The following TOX variants were observed in gnomAD, a reference collection of about 807,000 sequenced individuals.
TOX encodes thymocyte selection-associated high mobility group box protein TOX.
A neutral mutation model predicts 53.7 loss-of-function variants in TOX; 11 were observed. The ratio of observed to expected loss-of-function variants is 0.20; its 90% confidence interval spans 0.13 to 0.34. TOX has a LOEUF of 0.34. Among genes scored for constraint, TOX ranks in the 10% least tolerant of loss-of-function variants. The probability of loss-of-function intolerance (pLI) is 1.00; values close to 1 mark genes in which losing one functional copy is unlikely to be tolerated. For missense variants in TOX, 570 were observed against 664.6 expected, an observed-to-expected ratio of 0.86 and a Z score of 1.56; for synonymous variants, 225 against 245.3, an observed-to-expected ratio of 0.92 and a Z score of 0.77.
chr8:58,978,167 C>A (rs1314897435), intron 1 of TOX, among the ~76,000 whole-genome samples: 1 of 152,078 alleles, frequency 6.6e-6, no homozygotes, highest in South Asian at 2.1e-4. Flanking sequence ...GGAGGAGTCT[C>A]AGGAAAGAGT....
At chr8:59,059,244 C>T (rs975652779) in intron 1 of TOX, among the ~76,000 whole-genome samples, 1 of 152,126 alleles carries the variant, frequency 6.6e-6, no homozygotes, top group East Asian at 1.9e-4. Flanking sequence ...ATTCCCCTTC[C>T]TTCACATCAC....
At chr8:59,021,226 T>C (rs576938166) in intron 1 of TOX, among the ~76,000 whole-genome samples, 109 of 150,696 alleles carry the variant, frequency 7.2e-4, no homozygotes, top group Non-Finnish European at 1.4e-3. Flanking sequence ...CCAGCCTTTT[T>C]TTTTCTATTA....
At chr8:58,974,287 A>C (rs1409764094) in intron 1 of TOX, among the ~76,000 whole-genome samples, 1 of 152,158 alleles carries the variant, frequency 6.6e-6, no homozygotes, top group African/African-American at 2.4e-5. Context: ...ATCCAGACTC[A>C]TGTCAACAGT....
chr8:58,836,563 C>A (rs34855090), intron 5 of TOX, among the ~76,000 whole-genome samples: 10,647 of 152,132 alleles, frequency 0.07, 536 homozygotes, highest in Middle Eastern at 0.14. Context: ...CCTAGGACAG[C>A]ACTCCTTCAG....
intron 3 of TOX, among the ~76,000 whole-genome samples, chr8:58,869,626 C>G (rs1424560516): frequency 6.6e-6 from 1 of 151,970 alleles, no homozygotes; most frequent in Non-Finnish European, 1.5e-5. Context: ...AAATGCAAAA[C>G]TCCTCAACAA....
intron 4 of TOX, among the ~76,000 whole-genome samples, chr8:58,844,416 G>T (rs1471023562): frequency 2.6e-5 from 4 of 152,136 alleles, no homozygotes; most frequent in Non-Finnish European, 5.9e-5. Flanking sequence ...AGTTACCAGG[G>T]TGCTAAGACT....
intron 1 of TOX, among the ~76,000 whole-genome samples, chr8:59,027,296 GA>G (rs1814262369): frequency 6.6e-6 from 1 of 152,116 alleles, no homozygotes; most frequent in Non-Finnish European, 1.5e-5. Context: ...GTCTACCTAA[GA>G]GATGCTAGAA....
chr8:58,920,645 C>G (rs1307799989), intron 3 of TOX, among the ~76,000 whole-genome samples: 1 of 97,614 alleles, frequency 1.0e-5, no homozygotes, highest in East Asian at 3.2e-4. Context: ...CAGCATGGCA[C>G]ATGTATACAT....
chr8:58,862,675 T>C (rs997229409), intron 3 of TOX, among the ~76,000 whole-genome samples: 6 of 152,068 alleles, frequency 3.9e-5, no homozygotes, highest in Admixed American at 2.6e-4. Context: ...ATTAGAAAAG[T>C]GTTATTAGAA....
At chr8:58,823,660 A>G (rs1810317373) in intron 6 of TOX, among the ~76,000 whole-genome samples, 1 of 152,208 alleles carries the variant, frequency 6.6e-6, no homozygotes, top group Non-Finnish European at 1.5e-5. Context: ...CTAATTTTAA[A>G]GGATCACTTC....
At chr8:58,935,998 G>C (rs1284269637) in intron 3 of TOX, among the ~76,000 whole-genome samples, 1 of 152,088 alleles carries the variant, frequency 6.6e-6, no homozygotes, top group Non-Finnish European at 1.5e-5. Flanking sequence ...TGGGATAACG[G>C]GCGCCAGCGG....
Position 58,898,416 on chromosome 8 carries a change from C to T in TOX, c.411+40886G>A, listed in dbSNP as rs566771896. The stretch of plus-strand genomic sequence containing the variant: ...AATAGGTTATAATTAACTTTAGTAA[C>T]GTAACTGCTAATGCATTAAAGATCA... On this transcript the variant is annotated intron_variant, in intron 3 of 8. Coordinates refer to ENST00000361421, the MANE Select transcript of TOX (RefSeq NM_014729.3). 6.6e-5 allele frequency among the ~76,000 whole-genome samples: 7 copies of T among 106,298 alleles called. No homozygotes were observed. The South Asian group carries it at 8.8e-4, about 13-fold the overall frequency. 69.7% of individuals were successfully genotyped at this position (106,298 alleles called of 152,430 possible).
At chr8:58,876,679 G>A (rs1352088433) in intron 3 of TOX, among the ~76,000 whole-genome samples, 1 of 152,152 alleles carries the variant, frequency 6.6e-6, no homozygotes, top group Non-Finnish European at 1.5e-5. Flanking sequence ...TAGCTAGCGG[G>A]TAGCATAAAG....
At chr8:58,820,227 G>C (rs565945239) in intron 6 of TOX, among the ~76,000 whole-genome samples, 1 of 150,940 alleles carries the variant, frequency 6.6e-6, no homozygotes, top group Non-Finnish European at 1.5e-5. Context: ...ACTGACTATG[G>C]AAACAGAGAA....
rs1366069815 is a variant in TOX, at chr8:59,118,468, C to G, written c.102+418G>C. Among the ~76,000 whole-genome samples the G allele has an allele frequency of 6.6e-6, 1 of 152,130 alleles. No individual in the cohort carries two copies. Among genetic ancestry groups the G allele is most frequent in the East Asian group, 1.9e-4 (1 of 5,174 alleles). ...GGAGAAGGGAAGTGGTGCCACGAGC[C>G]CCCACTGCCCGGGGAGGGAGGGAGA... is the stretch of plus-strand genomic sequence containing the variant. On this transcript the variant is annotated intron_variant, in intron 1 of 8. Transcript: ENST00000361421. The surrounding 1 kb of genome is among the most constrained non-coding windows in gnomAD (Gnocchi z 4.1).
chr8:58,827,677 T>C (rs1810387771), intron 5 of TOX, among the ~76,000 whole-genome samples: 1 of 152,130 alleles, frequency 6.6e-6, no homozygotes, highest in African/African-American at 2.4e-5. Flanking sequence ...ATCTTGAAAA[T>C]AAAAGCAAAA....
chr8:59,114,332 C>T (rs1195446468), intron 1 of TOX, among the ~76,000 whole-genome samples: 1 of 152,174 alleles, frequency 6.6e-6, no homozygotes, highest in African/African-American at 2.4e-5. Flanking sequence ...ATAGCTCATA[C>T]TTATAACTTT....
chr8:59,025,438 A>G (rs907729265), intron 1 of TOX, among the ~76,000 whole-genome samples: 3 of 150,982 alleles, frequency 2.0e-5, no homozygotes, highest in East Asian at 3.9e-4. Flanking sequence ...CCATTATCCA[A>G]TCGGGAAGGT....
chr8:59,073,834 TC>T (rs1804245504), intron 1 of TOX, among the ~76,000 whole-genome samples: 2 of 152,062 alleles, frequency 1.3e-5, no homozygotes, highest in Non-Finnish European at 2.9e-5. Flanking sequence ...CAAAATATAG[TC>T]CTAAATTGTG....
Sources: allele counts gnomAD v4.1 joint callset (sites outside exome capture counted in the v4.1 genomes callset), GRCh38; gene constraint gnomAD v4.1.1; non-coding constraint Gnocchi (gnomAD v3.1); transcripts MANE v1.5; gene names NCBI Gene and HGNC (gene_info 2026-07-23, HGNC 2026-07-21).